TIAM1: variants seen among roughly 807,000 people sequenced by gnomAD.
The protein encoded by TIAM1 is rho guanine nucleotide exchange factor TIAM1.
TIAM1 carries 65 observed loss-of-function variants against 163.5 expected under a neutral mutation model. The ratio of observed to expected loss-of-function variants is 0.40; its 90% CI spans 0.33 to 0.49. The LOEUF (loss-of-function observed/expected upper bound fraction) is 0.49, where lower values mean the gene tolerates loss of function less well. Among genes scored for constraint, TIAM1 ranks in the 20% least tolerant of loss-of-function variants. The pLI is 0.77. For missense variants in TIAM1, 1,789 were observed against 2,044.7 expected, an observed-to-expected ratio of 0.87 and a Z score of 2.41; for synonymous variants, 833 against 810.1, an observed-to-expected ratio of 1.03 and a Z score of -0.48.
At chr21:31,536,689 G>T (rs1395447899) in intron 1 of TIAM1, among the ~76,000 whole-genome samples, 1 of 152,232 alleles carries the variant, frequency 6.6e-6, no homozygotes, top group Non-Finnish European at 1.5e-5. Flanking sequence ...GGAGTGAGGA[G>T]AAACGGGTGG....
At position 31,339,366 on chromosome 21, in the gene TIAM1, TTCC is replaced by T. The variant is rs2075949029; in HGVS notation, c.-315_-313del. ...GCCCATGGTACCAACCAGCCTCCTC[TTCC>T]TCCTCCTGGGCTTCAGGTCTAGAAA... On this transcript the variant is annotated 5_prime_UTR_variant, in exon 2 of 28. Transcript: ENST00000541036. The T allele has an allele frequency of 2.5e-6, 1 of 398,630 alleles. No homozygotes were observed. The highest frequency in any genetic ancestry group is 3.6e-5 in the East Asian group (1 of 28,074). 24.7% of individuals were successfully genotyped at this position (398,630 alleles called of 1,614,324 possible).
intron 19 of TIAM1, among the ~76,000 whole-genome samples, chr21:31,151,562 A>T (rs1174588312): frequency 1.3e-5 from 2 of 152,238 alleles, no homozygotes; most frequent in East Asian, 3.9e-4. Flanking sequence ...GTAGAGTGGG[A>T]GGGCAGTAAG....
At chr21:31,324,002 T>C (rs1173584479) in intron 2 of TIAM1, among the ~76,000 whole-genome samples, 1 of 145,368 alleles carries the variant, frequency 6.9e-6, no homozygotes, top group Admixed American at 6.8e-5. Flanking sequence ...AGCAAGACCC[T>C]GTCTCAAAAA....
chr21:31,546,957 G>GC (rs2048517701), intron 1 of TIAM1, among the ~76,000 whole-genome samples: 2 of 95,854 alleles, frequency 2.1e-5, no homozygotes, highest in African/African-American at 1.0e-4. Flanking sequence ...CCCCAAAATA[G>GC]TGGGGGGGGG....
chr21:31,210,713 AAG>A lies in TIAM1; in HGVS notation c.2218-500_2218-499del, dbSNP rs1228059632. 1.7e-3 allele frequency among the ~76,000 whole-genome samples: 210 copies of A among 122,160 alleles called. 15 individuals carry two copies. Among genetic ancestry groups the A allele is most frequent in the African/African-American group, 6.4e-3 (140 of 21,992 alleles). 80.1% of individuals were successfully genotyped at this position (122,160 alleles called of 152,430 possible). On this transcript the variant is annotated intron_variant, in intron 10 of 27. Coordinates refer to ENST00000541036, the MANE Select transcript of TIAM1 (RefSeq NM_001353694.2). ...AGAAAGAAAGAAAGAAAGAGAAAGA[AAG>A]AGAAAGAAAGAAAGAGAAAGAAGGA... is the stretch of plus-strand genomic sequence containing the variant.
At chr21:31,130,176 T>C (rs767069532) in intron 25 of TIAM1, 37 bp downstream of exon 25, 76 of 1,509,952 alleles carry the variant, frequency 5.0e-5, no homozygotes, top group Non-Finnish European at 6.2e-5. Context: ...ACATCAGAAA[T>C]ATGTGTGTGA....
chr21:31,123,821 G>C (rs1035060317), intron 27 of TIAM1: 18 of 152,182 alleles, frequency 1.2e-4, no homozygotes, highest in African/African-American at 4.3e-4. Flanking sequence ...GATACATTTT[G>C]CTACCATTGA....
intron 6 of TIAM1, among the ~76,000 whole-genome samples, chr21:31,237,746 AT>A (rs2070970020): frequency 6.6e-6 from 1 of 152,126 alleles, no homozygotes; most frequent in South Asian, 2.1e-4. Flanking sequence ...TGTCTTTCTT[AT>A]TTGCCTGGTA....
At chr21:31,354,484 C>A (rs1001116393) in intron 2 of TIAM1, among the ~76,000 whole-genome samples, 2 of 152,070 alleles carry the variant, frequency 1.3e-5, no homozygotes, top group Non-Finnish European at 2.9e-5. Flanking sequence ...CCCCACCACA[C>A]GAAGAGGCAA....
chr21:31,337,992 G>A (rs551727870), intron 2 of TIAM1, among the ~76,000 whole-genome samples: 1 of 152,196 alleles, frequency 6.6e-6, no homozygotes, highest in African/African-American at 2.4e-5. Context: ...AACTACCTGG[G>A]AGTCCCTGTA....
At chr21:31,416,308 C>T (rs579150) in intron 2 of TIAM1, among the ~76,000 whole-genome samples, 1 of 152,194 alleles carries the variant, frequency 6.6e-6, no homozygotes, top group Non-Finnish European at 1.5e-5. Context: ...AAATACTGTG[C>T]ATTCCACATA....
chr21:31,358,472 C>T (rs2076351790), intron 2 of TIAM1, among the ~76,000 whole-genome samples: 1 of 152,164 alleles, frequency 6.6e-6, no homozygotes. Flanking sequence ...CCCCTAGACT[C>T]CACAATCGAA....
intron 4 of TIAM1, among the ~76,000 whole-genome samples, chr21:31,261,770 T>C (rs1285882692): frequency 6.6e-6 from 1 of 152,134 alleles, no homozygotes; most frequent in African/African-American, 2.4e-5. Flanking sequence ...CTAATCTCTT[T>C]ATTTTCTAGG....
intron 13 of TIAM1, among the ~76,000 whole-genome samples, chr21:31,193,860 C>T (rs2085695857): frequency 6.6e-6 from 1 of 152,178 alleles, no homozygotes; most frequent in African/African-American, 2.4e-5. Context: ...ATCCTCTCTT[C>T]TCTTTGTCAG....
chr21:31,268,622 T>C (rs2072906468), intron 3 of TIAM1, among the ~76,000 whole-genome samples: 1 of 152,204 alleles, frequency 6.6e-6, no homozygotes. Context: ...AGAGGGAATT[T>C]TCCAATAAAG....
chr21:31,460,793 G>A (rs2045296505), intron 2 of TIAM1, among the ~76,000 whole-genome samples: 1 of 151,994 alleles, frequency 6.6e-6, no homozygotes, highest in African/African-American at 2.4e-5. Context: ...CAGAATCTTT[G>A]GTAAGCTATT....
At chr21:31,404,124 C>T (rs2077209878) in intron 2 of TIAM1, among the ~76,000 whole-genome samples, 1 of 152,156 alleles carries the variant, frequency 6.6e-6, no homozygotes, top group Non-Finnish European at 1.5e-5. Flanking sequence ...CCACCCTTTT[C>T]CAGGAAAAAC....
intron 12 of TIAM1, among the ~76,000 whole-genome samples, chr21:31,200,403 T>C (rs1032924455): frequency 6.6e-6 from 1 of 152,196 alleles, no homozygotes; most frequent in Non-Finnish European, 1.5e-5. Context: ...TTTCCTTTTA[T>C]CCTAAATGAA....
Position 31,119,811 on chromosome 21 carries a change from G to GAA in TIAM1, c.*555_*556dup, listed in dbSNP as rs56411753. 106 of 147,138 alleles carry GAA rather than the reference G, an allele frequency of 7.2e-4. 1 individual carries two copies. The highest frequency in any genetic ancestry group is 4.1e-4 in the Admixed American group (6 of 14,790). The allele number at this position is 147,138 out of a possible 1,614,324, so 9.1% of individuals were successfully genotyped here. On this transcript the variant is annotated 3_prime_UTR_variant, in exon 28 of 28. Transcript: ENST00000541036. ...ACCAGCCATAGACCAAAACAGGAAGGAAAAAAAAAAAGAGGCTCATTGAAA... is the reference window on the plus strand; with the variant it reads ...ACCAGCCATAGACCAAAACAGGAAGGAAAAAAAAAAAAAGAGGCTCATTGAAA...
Sources: gnomAD v4.1 joint callset for allele counts (sites outside exome capture counted in the v4.1 genomes callset) on GRCh38, gnomAD v4.1.1 for gene constraint, MANE v1.5 for transcripts, NCBI Gene and HGNC (gene_info 2026-07-23, HGNC 2026-07-21) for gene names.